KIF24: variants seen among roughly 807,000 people sequenced by gnomAD.
The protein encoded by KIF24 is kinesin-like protein KIF24.
A neutral mutation model predicts 118.9 loss-of-function variants in KIF24; 81 were observed. The observed-to-expected ratio is 0.68, with a 90% CI of 0.57 to 0.82. KIF24 has a LOEUF of 0.82. KIF24 is among the 40% of genes least tolerant of loss of function. KIF24 has a pLI of 0.00. For missense variants in KIF24, 1,560 were observed against 1,661.6 expected, an observed-to-expected ratio of 0.94 and a Z score of 1.06; for synonymous variants, 599 against 610.0, an observed-to-expected ratio of 0.98 and a Z score of 0.27.
chr9:34,300,903 C>G (rs1836680891), intron 3 of KIF24, among the ~76,000 whole-genome samples: 1 of 136,858 alleles, frequency 7.3e-6, no homozygotes, highest in Non-Finnish European at 1.6e-5. Flanking sequence ...AGTGGGAATA[C>G]ATTTTTTTGT....
At chr9:34,302,451 A>G (rs983620802) in intron 3 of KIF24, among the ~76,000 whole-genome samples, 1 of 145,476 alleles carries the variant, frequency 6.9e-6, no homozygotes, top group African/African-American at 2.5e-5. Context: ...CTACAGGTAC[A>G]TGTCACCACG....
Position 34,254,279 on chromosome 9 carries a change from G to A in KIF24, c.*101C>T. On this transcript the variant is annotated 3_prime_UTR_variant, in exon 13 of 13. Transcript: ENST00000402558. ...TAGCATAGGCAGGACCAGCGTGTGGGTTCTGGTGTGTGCAGGGAGGACCTG... is the reference window on the plus strand; with the variant it reads ...TAGCATAGGCAGGACCAGCGTGTGGATTCTGGTGTGTGCAGGGAGGACCTG... 1 of 1,321,762 alleles carries A rather than the reference G, an allele frequency of 7.6e-7. No individual in the cohort carries two copies. Among genetic ancestry groups the A allele is most frequent in the Non-Finnish European group, 1.0e-6 (1 of 994,182 alleles). The allele number at this position is 1,321,762 out of a possible 1,614,324, so 81.9% of individuals were successfully genotyped here. A position where few individuals can be genotyped will look rare whatever the true frequency, so the allele number is the denominator to read the frequency against.
chr9:34,284,958 A>G (rs921469884), intron 6 of KIF24, among the ~76,000 whole-genome samples: 1 of 152,208 alleles, frequency 6.6e-6, no homozygotes, highest in Non-Finnish European at 1.5e-5. Context: ...GTTGAGGAAC[A>G]CTGCATTAAA....
Position 34,272,189 on chromosome 9 carries a change from C to CT in KIF24, c.1216-260dup, listed in dbSNP as rs898414081. Among the ~76,000 whole-genome samples, 57 of 152,312 alleles carry CT rather than the reference C, an allele frequency of 3.7e-4. 1 individual carries two copies. The highest frequency in any genetic ancestry group is 1.2e-3 in the African/African-American group (50 of 41,558). On this transcript the variant is annotated intron_variant, in intron 6 of 12. Transcript: ENST00000402558. ...CTAATTTACTTCTTGATCTCATATA[C>CT]TTTTTTTAGTATCTTTGATGGATTT...
At chr9:34,294,050 G>A (rs1328803941) in intron 4 of KIF24, among the ~76,000 whole-genome samples, 1 of 152,062 alleles carries the variant, frequency 6.6e-6, no homozygotes, top group Non-Finnish European at 1.5e-5. Flanking sequence ...TTGCAGCCTT[G>A]ATCTCTTGGG....
At chr9:34,284,138 T>C (rs532736669) in intron 6 of KIF24, among the ~76,000 whole-genome samples, 1 of 152,088 alleles carries the variant, frequency 6.6e-6, no homozygotes, top group Non-Finnish European at 1.5e-5. Context: ...TGTGGTGGCA[T>C]ATGCTTGTGG....
chr9:34,253,727 G>T lies in KIF24; in HGVS notation c.*653C>A, dbSNP rs1834701394. 6.6e-6 allele frequency: 1 copy of T among 152,274 alleles called. No homozygotes were observed. Among genetic ancestry groups the T allele is most frequent in the South Asian group, 2.1e-4 (1 of 4,830 alleles). 9.4% of individuals were successfully genotyped at this position (152,274 alleles called of 1,614,324 possible). On this transcript the variant is annotated 3_prime_UTR_variant, in exon 13 of 13. Coordinates refer to ENST00000402558, the MANE Select transcript of KIF24 (RefSeq NM_194313.4). ...TCTTCTGCCTCAACACTGGATTGCA[G>T]GAAGGGAAGGGAGCTGTAAATATAA...
intron 2 of KIF24, among the ~76,000 whole-genome samples, chr9:34,307,470 T>C (rs951472460): frequency 2.6e-5 from 4 of 152,008 alleles, no homozygotes; most frequent in Non-Finnish European, 4.4e-5. Context: ...TTATGGCATG[T>C]TTTAAAGCAA....
At chr9:34,299,015 T>C (rs189227317) in intron 3 of KIF24, among the ~76,000 whole-genome samples, 2 of 152,220 alleles carry the variant, frequency 1.3e-5, no homozygotes, top group Admixed American at 1.3e-4. Context: ...GGGCTTACCA[T>C]GTTGGTAGGT....
At chr9:34,280,678 C>T (rs991262982) in intron 6 of KIF24, among the ~76,000 whole-genome samples, 1 of 152,248 alleles carries the variant, frequency 6.6e-6, no homozygotes, top group Non-Finnish European at 1.5e-5. Flanking sequence ...TAGAAAGAGG[C>T]TCTTAGTGAT....
In KIF24 at chr9:34,257,345, C is replaced by CG. The variant is rs1563933191; in HGVS notation, c.2261dup (p.Pro755AlafsTer49). On this transcript the variant is annotated frameshift_variant, in exon 11 of 13. Transcript: ENST00000402558. LOFTEE classifies it high-confidence loss of function. ...GTTCCTCCCTCTCCTTCTGATGTGGCGGGATGTTTGTCCAAGCTTCAGAGG... is the reference window on the plus strand; with the variant it reads ...GTTCCTCCCTCTCCTTCTGATGTGGCGGGGATGTTTGTCCAAGCTTCAGAGG... 6.2e-7 allele frequency: 1 copy of CG among 1,613,998 alleles called. No homozygotes were observed. Among genetic ancestry groups the CG allele is most frequent in the South Asian group, 1.1e-5 (1 of 91,082 alleles).
chr9:34,291,981 T>C (rs1237141303), intron 4 of KIF24, among the ~76,000 whole-genome samples: 1 of 152,204 alleles, frequency 6.6e-6, no homozygotes, highest in Non-Finnish European at 1.5e-5. Flanking sequence ...AGGAAATTCC[T>C]TGTGGGCTCA....
intron 1 of KIF24, among the ~76,000 whole-genome samples, chr9:34,328,790 G>C (rs1432900237): frequency 6.6e-6 from 1 of 152,190 alleles, no homozygotes; most frequent in Non-Finnish European, 1.5e-5. Context: ...AGGGCGAATA[G>C]AAATGCCCTA....
chr9:34,318,048 C>G lies in KIF24; in HGVS notation c.-25-6677G>C, dbSNP rs1324352787. Among the ~76,000 whole-genome samples, 1 of 151,990 alleles carries G rather than the reference C, an allele frequency of 6.6e-6. No homozygotes were observed. The highest frequency in any genetic ancestry group is 1.5e-5 in the Non-Finnish European group (1 of 68,012). Reference sequence around the variant, plus strand: ...TTCAGTAGTTAGGGGAGCATGGGAGCAAAGGATTGCTTTAAGAATCCTTTC... The same window carrying G: ...TTCAGTAGTTAGGGGAGCATGGGAGGAAAGGATTGCTTTAAGAATCCTTTC... On this transcript the variant is annotated intron_variant, in intron 1 of 12. Transcript: ENST00000402558. The surrounding 1 kb of genome is among the most constrained non-coding windows in gnomAD (Gnocchi z 4.9).
In KIF24 at chr9:34,292,372, T is replaced by C. The variant is rs149935443; in HGVS notation, c.912-1983A>G. On this transcript the variant is annotated intron_variant, in intron 4 of 12. Transcript: ENST00000402558. Reference sequence around the variant, plus strand: ...TAAATTTTTTTTCCTTTTCCTTTTATTATTTTTTCCCCTTTTATTTGCTCT... The same window carrying C: ...TAAATTTTTTTTCCTTTTCCTTTTACTATTTTTTCCCCTTTTATTTGCTCT... Among the ~76,000 whole-genome samples, 461 of 152,334 alleles carry C rather than the reference T, an allele frequency of 3.0e-3. 1 individual carries two copies. The highest frequency in any genetic ancestry group is 0.011 in the African/African-American group (444 of 41,566).
chr9:34,273,195 T>C (rs1053757197), intron 6 of KIF24, among the ~76,000 whole-genome samples: 12 of 152,034 alleles, frequency 7.9e-5, no homozygotes, highest in East Asian at 1.9e-4. Flanking sequence ...CTTTTTTTTT[T>C]CTAATAAAAA....
At chr9:34,275,009 G>A (rs564494142) in intron 6 of KIF24, among the ~76,000 whole-genome samples, 2 of 152,290 alleles carry the variant, frequency 1.3e-5, no homozygotes, top group African/African-American at 2.4e-5. Context: ...GAAGGGTAGT[G>A]GGGATGTAGG....
chr9:34,303,755 G>A (rs1836812144), intron 3 of KIF24, among the ~76,000 whole-genome samples: 1 of 152,222 alleles, frequency 6.6e-6, no homozygotes, highest in African/African-American at 2.4e-5. Flanking sequence ...AGGCTGAGGT[G>A]GGAGGATCAT....
chr9:34,323,801 TATTAACATGTA>T (rs1837593479), intron 1 of KIF24, among the ~76,000 whole-genome samples: 1 of 152,226 alleles, frequency 6.6e-6, no homozygotes, highest in Non-Finnish European at 1.5e-5. Flanking sequence ...TAATCAAAAT[TATTAACATGTA>T]ATTAATTGTG....
Sources: gnomAD v4.1 joint callset for allele counts (sites outside exome capture counted in the v4.1 genomes callset) on GRCh38, gnomAD v4.1.1 for gene constraint, Gnocchi (gnomAD v3.1) non-coding constraint, MANE v1.5 for transcripts, NCBI Gene and HGNC (gene_info 2026-07-23, HGNC 2026-07-21) for gene names.